The following METTL15 variants were observed in gnomAD, a reference collection of about 807,000 sequenced individuals.
METTL15 encodes the protein methyltransferase 15, mitochondrial 12S rRNA N4-cytidine.
In METTL15, 34 loss-of-function variants were observed where a neutral mutation model predicts 38.3. That is an observed-to-expected ratio of 0.89 (90% CI 0.68 to 1.18). METTL15 has a LOEUF of 1.18. Among genes scored for constraint, METTL15 ranks in the 50% most tolerant of loss-of-function variants. The pLI, the probability that METTL15 is intolerant of heterozygous loss-of-function variation, is 0.00. For missense variants in METTL15, 438 were observed against 498.4 expected (o/e 0.88, Z 1.15); for synonymous variants, 162 against 170.9 (o/e 0.95, Z 0.41).
intron 3 of METTL15, among the ~76,000 whole-genome samples, chr11:28,167,196 G>A (rs1179736533): frequency 6.6e-6 from 1 of 152,058 alleles, no homozygotes; most frequent in South Asian, 2.1e-4. Context: ...AGTTAGGATG[G>A]GTATATTTTG....
Position 28,113,496 on chromosome 11 carries a change from C to T in METTL15, c.162C>T (p.Ala54=). The T allele has an allele frequency of 6.2e-7, 1 of 1,612,900 alleles. No homozygotes were observed. Among genetic ancestry groups the T allele is most frequent in the African/African-American group, 1.3e-5 (1 of 74,898 alleles). ...GGGAGCAAACAGATCAAACTCAAGC[C>T]CAGGAGTTACACAGATCTCAAGATA... ...EAREQTDQTQ[A]QELHRSQDRD... Residue 54 remains alanine (A), a synonymous_variant, in exon 3 of 7, where the codon GCC becomes GCT. Transcript: ENST00000407364.
At chr11:28,397,856 T>C (rs1358624110) in intron 5 of METTL15, among the ~76,000 whole-genome samples, 1 of 152,108 alleles carries the variant, frequency 6.6e-6, no homozygotes, top group Non-Finnish European at 1.5e-5. Context: ...CCATCAATGA[T>C]AGACTGGATT....
chr11:28,238,265 C>T (rs891047587), intron 4 of METTL15, among the ~76,000 whole-genome samples: 13 of 152,178 alleles, frequency 8.5e-5, no homozygotes, highest in Admixed American at 4.6e-4. Context: ...CCACCCAGTG[C>T]GAGCTTCCCG....
chr11:28,168,500 G>T (rs1339497129), intron 3 of METTL15, among the ~76,000 whole-genome samples: 2 of 150,758 alleles, frequency 1.3e-5, no homozygotes, highest in Non-Finnish European at 3.0e-5. Context: ...AAGTTTTAGG[G>T]TACATGTGCA....
At chr11:28,467,132 G>T (rs116557940) in intron 6 of METTL15, among the ~76,000 whole-genome samples, 210 of 152,226 alleles carry the variant, frequency 1.4e-3, no homozygotes, top group African/African-American at 5.0e-3. Flanking sequence ...GCTGCAGAGG[G>T]CATCTCATCG....
chr11:28,146,190 A>G (rs1849878031), intron 3 of METTL15, among the ~76,000 whole-genome samples: 2 of 152,052 alleles, frequency 1.3e-5, no homozygotes, highest in Non-Finnish European at 2.9e-5. Context: ...GTTGTTCCAT[A>G]TCCTTCCGGT....
intron 6 of METTL15, among the ~76,000 whole-genome samples, chr11:28,329,591 C>A (rs1835035911): frequency 6.6e-6 from 1 of 152,132 alleles, no homozygotes; most frequent in Non-Finnish European, 1.5e-5. Flanking sequence ...GTCTTCCAAT[C>A]TGTGAACATT....
At chr11:28,152,966 C>T (rs747248113) in intron 3 of METTL15, among the ~76,000 whole-genome samples, 7 of 151,966 alleles carry the variant, frequency 4.6e-5, no homozygotes, top group Non-Finnish European at 8.8e-5. Context: ...AACTTCATGA[C>T]GTTGCCATGG....
chr11:28,363,151 C>A (rs139631198), intron 5 of METTL15, among the ~76,000 whole-genome samples: 1 of 151,996 alleles, frequency 6.6e-6, no homozygotes, highest in East Asian at 1.9e-4. Context: ...ACTTGTATGT[C>A]TTTATATGTC....
intron 5 of METTL15, among the ~76,000 whole-genome samples, chr11:28,290,844 G>A (rs1245441397): frequency 6.6e-6 from 1 of 150,956 alleles, no homozygotes; most frequent in Non-Finnish European, 1.5e-5. Context: ...CAGTAAGTGT[G>A]TTTTGTCCTG....
chr11:28,182,265 C>G (rs987098593), intron 3 of METTL15, among the ~76,000 whole-genome samples: 4 of 151,844 alleles, frequency 2.6e-5, no homozygotes, highest in African/African-American at 7.2e-5. Flanking sequence ...TATAATTTGA[C>G]CCCATTTGCC....
chr11:28,506,311 T>C lies in METTL15; in HGVS notation c.*425-20167T>C, dbSNP rs539820270. On this transcript the variant is annotated intron_variant and NMD_transcript_variant, in intron 6 of 7. Coordinates refer to the METTL15 transcript ENST00000532947. ...TTCCTGTGATGTAACAGAATAATCA[T>C]AGACTTTGAAATTAGACAAACCTGA... 2.0e-5 allele frequency among the ~76,000 whole-genome samples: 3 copies of C among 152,366 alleles called. No homozygotes were observed. The East Asian group carries it at 5.8e-4, about 29-fold the overall frequency.
chr11:28,171,604 T>G (rs537632118), intron 3 of METTL15, among the ~76,000 whole-genome samples: 2 of 152,286 alleles, frequency 1.3e-5, no homozygotes, highest in African/African-American at 4.8e-5. Context: ...TTAACACATT[T>G]TTATCATTAG....
chr11:28,339,817 G>A (rs1260082976), intron 3 of METTL15, among the ~76,000 whole-genome samples: 5 of 152,046 alleles, frequency 3.3e-5, no homozygotes, highest in African/African-American at 9.7e-5. Flanking sequence ...CATTCTCAAG[G>A]AATAAAAGTC....
chr11:28,175,177 T>A (rs900790470), intron 3 of METTL15, among the ~76,000 whole-genome samples: 1 of 151,962 alleles, frequency 6.6e-6, no homozygotes, highest in Admixed American at 6.6e-5. Context: ...AGTTCCCACT[T>A]ATGAGTGAGA....
Position 28,267,195 on chromosome 11 carries a change from G to T in METTL15, c.408-23011G>T, listed in dbSNP as rs12419356. On this transcript the variant is annotated intron_variant, in intron 4 of 6. Transcript: ENST00000407364. ...AAAAAAAAAAAAAAGAGTGAAGAAT[G>T]TACAGTGGCTTCTAGGGCCCTCCAG... Among the ~76,000 whole-genome samples, 1,335 of 145,194 alleles carry T rather than the reference G, an allele frequency of 9.2e-3. 68 individuals carry two copies. Among genetic ancestry groups the T allele is most frequent in the Admixed American group, 0.083 (1,218 of 14,638 alleles).
intron 6 of METTL15, among the ~76,000 whole-genome samples, chr11:28,444,099 C>G (rs987783888): frequency 1.3e-5 from 2 of 152,126 alleles, no homozygotes; most frequent in Admixed American, 1.3e-4. Flanking sequence ...GTTTATGCAA[C>G]TCATTATCAT....
chr11:28,111,257 T>C (rs527578100), intron 2 of METTL15, among the ~76,000 whole-genome samples: 56 of 152,348 alleles, frequency 3.7e-4, no homozygotes, highest in African/African-American at 1.3e-3. Context: ...ATGCAAGTGA[T>C]AGCGTTTTTT....
intron 3 of METTL15, among the ~76,000 whole-genome samples, chr11:28,346,569 G>A (rs1849997861): frequency 6.6e-6 from 1 of 152,070 alleles, no homozygotes; most frequent in Admixed American, 6.5e-5. Flanking sequence ...ATAAACTAAA[G>A]CAACTTGAAA....
Sources: allele counts gnomAD v4.1 joint callset (sites outside exome capture counted in the v4.1 genomes callset), GRCh38; gene constraint gnomAD v4.1.1; transcripts MANE v1.5; gene names NCBI Gene and HGNC (gene_info 2026-07-23, HGNC 2026-07-21).